Variants in FGFR2 observed in about 807,000 individuals in gnomAD.
The protein encoded by FGFR2 is BEK fibroblast growth factor receptor.
FGFR2 carries 19 observed loss-of-function variants against 95.9 expected under a neutral mutation model. The observed-to-expected ratio is 0.20, with a 90% CI of 0.14 to 0.29. The LOEUF (loss-of-function observed/expected upper bound fraction) is 0.29. FGFR2 is among the 10% of genes least tolerant of loss of function. The pLI is 1.00. For missense variants in FGFR2, 707 were observed against 1,056.9 expected, an observed-to-expected ratio of 0.67 and a Z score of 4.59; for synonymous variants, 392 against 393.3, an observed-to-expected ratio of 1.00 and a Z score of 0.04.
intron 17 of FGFR2, among the ~76,000 whole-genome samples, chr10:121,481,389 GACACACAC>G (rs71868012): frequency 0.03 from 4,464 of 149,978 alleles, 176 homozygotes; most frequent in African/African-American, 0.085. Flanking sequence ...CATTTTTAAA[GACACACAC>G]ACACACACAC....
intron 2 of FGFR2, among the ~76,000 whole-genome samples, chr10:121,572,929 G>T (rs1859061418): frequency 6.6e-6 from 1 of 152,242 alleles, no homozygotes; most frequent in Non-Finnish European, 1.5e-5. Context: ...ATAGCCCCAG[G>T]AGGGGGAAAT....
At chr10:121,481,865 C>A (rs1287200706) in intron 17 of FGFR2, 2 of 189,904 alleles carry the variant, frequency 1.1e-5, no homozygotes, top group Admixed American at 6.9e-5. Flanking sequence ...GAGACGGAGT[C>A]TCGCTCTGTC....
chr10:121,479,062 C>T lies in FGFR2; in HGVS notation c.*795G>A, dbSNP rs1007718519. 4.3e-6 allele frequency: 1 copy of T among 232,978 alleles called. No individual in the cohort carries two copies. The highest frequency in any genetic ancestry group is 8.5e-6 in the Non-Finnish European group (1 of 117,658). 14.4% of individuals were successfully genotyped at this position (232,978 alleles called of 1,614,324 possible). ...CAGCAGCATTTAAACACAAATAAAT[C>T]AAAACTTCATTTTCCCCAAATTAGT... On this transcript the variant is annotated 3_prime_UTR_variant, in exon 18 of 18. Transcript: ENST00000358487.
chr10:121,598,234 G>C lies in FGFR2; in HGVS notation c.-423C>G. 1 of 396,794 alleles carries C rather than the reference G, an allele frequency of 2.5e-6. No homozygotes were observed. The allele number at this position is 396,794 out of a possible 1,614,324, so 24.6% of individuals were successfully genotyped here. A position where few individuals can be genotyped will look rare whatever the true frequency, so the allele number is the denominator to read the frequency against. On this transcript the variant is annotated 5_prime_UTR_variant, in exon 1 of 18. Transcript: ENST00000358487. ...GTTGCCTCCACCAAACTTTGCTCGC[G>C]AGTTGCGAAGGCTCAGAGCGCGCAG...
At chr10:121,534,091 C>CTTTTTTTTTTT (rs1022674124) in intron 6 of FGFR2, among the ~76,000 whole-genome samples, 1 of 92,118 alleles carries the variant, frequency 1.1e-5, no homozygotes, top group African/African-American at 4.7e-5. Context: ...CCCAAAATGG[C>CTTTTTTTTTTT]TTTTTTTTTT....
At chr10:121,512,158 A>C (rs1002129359) in intron 9 of FGFR2, among the ~76,000 whole-genome samples, 1 of 152,148 alleles carries the variant, frequency 6.6e-6, no homozygotes, top group African/African-American at 2.4e-5. Flanking sequence ...CATCCTTGAC[A>C]CATCTGATTA....
intron 2 of FGFR2, among the ~76,000 whole-genome samples, chr10:121,566,324 T>A (rs146336527): frequency 1.3e-5 from 2 of 152,318 alleles, no homozygotes; most frequent in Non-Finnish European, 2.9e-5. Flanking sequence ...AGCTGAGACC[T>A]GCTGTTTTCC....
intron 8 of FGFR2, among the ~76,000 whole-genome samples, chr10:121,516,520 A>G (rs912566821): frequency 1.3e-5 from 2 of 152,226 alleles, no homozygotes; most frequent in African/African-American, 2.4e-5. Context: ...CAAGGAATTA[A>G]TAACTGGAGT....
chr10:121,556,396 ACTCTCTCTCTCT>A (rs35668561), intron 4 of FGFR2, among the ~76,000 whole-genome samples: 28 of 128,196 alleles, frequency 2.2e-4, no homozygotes, highest in East Asian at 1.6e-3. Context: ...TTTATAATCT[ACTCTCTCTCTCT>A]CTCTCTCTCT....
chr10:121,564,636 A>G (rs1857418365), intron 3 of FGFR2, 57 bp from the exon 4 acceptor site: 1 of 1,502,890 alleles, frequency 6.7e-7, no homozygotes, highest in Non-Finnish European at 9.2e-7. Context: ...AAAAGGTTGC[A>G]ATTATCTACA....
intron 13 of FGFR2, among the ~76,000 whole-genome samples, chr10:121,491,704 A>G (rs1846151903): frequency 6.6e-6 from 1 of 151,836 alleles, no homozygotes; most frequent in Non-Finnish European, 1.5e-5. Context: ...CCCCATCTCT[A>G]CTAAAAACAC....
At position 121,515,409 on chromosome 10, in the gene FGFR2, C is replaced by T. The variant is rs1849581207; in HGVS notation, c.1085-90G>A. ...CGCATCATAGCACAACCAAAGGAAC[C>T]AAAAGGCGACGACCATTCTCAAGGC... On this transcript the variant is annotated intron_variant, in intron 8 of 17. Coordinates refer to ENST00000358487, the MANE Select transcript of FGFR2 (RefSeq NM_000141.5). 7.6e-6 allele frequency: 10 copies of T among 1,311,664 alleles called. No individual in the cohort carries two copies. In the Middle Eastern group the frequency reaches 7.0e-4, roughly 92 times the overall value. The allele number at this position is 1,311,664 out of a possible 1,614,324, so 81.3% of individuals were successfully genotyped here. A position where few individuals can be genotyped will look rare whatever the true frequency, so the allele number is the denominator to read the frequency against.
In FGFR2 at chr10:121,485,366, G is replaced by A. The variant is rs1005985162; in HGVS notation, c.2195+29C>T. ...TTACTGGTGTGGCAAGTCCACTGGG[G>A]CACCGGCAGGAAAGACAACAGCCCT... is the stretch of plus-strand genomic sequence containing the variant. On this transcript the variant is annotated intron_variant, in intron 16 of 17. Coordinates refer to ENST00000358487, the MANE Select transcript of FGFR2 (RefSeq NM_000141.5). The surrounding 1 kb of genome is among the most constrained non-coding windows in gnomAD (Gnocchi z 4.2). The A allele has an allele frequency of 5.0e-6, 8 of 1,613,850 alleles. No homozygotes were observed. The African/African-American group carries it at 9.3e-5, about 19-fold the overall frequency.
intron 4 of FGFR2, among the ~76,000 whole-genome samples, chr10:121,560,947 G>C (rs925162886): frequency 6.6e-6 from 1 of 152,112 alleles, no homozygotes; most frequent in African/African-American, 2.4e-5. Flanking sequence ...TGATGCTGCT[G>C]GTCCAGGAAC....
intron 2 of FGFR2, among the ~76,000 whole-genome samples, chr10:121,568,690 G>A (rs986323141): frequency 3.9e-5 from 6 of 151,988 alleles, no homozygotes; most frequent in African/African-American, 7.2e-5. Flanking sequence ...TCTCTCTCCC[G>A]GCAAAGGAGG....
chr10:121,544,775 A>C (rs1854275013), intron 5 of FGFR2, among the ~76,000 whole-genome samples: 1 of 152,182 alleles, frequency 6.6e-6, no homozygotes, highest in Admixed American at 6.5e-5. Flanking sequence ...GAATGTAATT[A>C]ATGCCTACTA....
At chr10:121,575,514 T>C (rs751504299) in intron 2 of FGFR2, among the ~76,000 whole-genome samples, 1 of 152,180 alleles carries the variant, frequency 6.6e-6, no homozygotes, top group East Asian at 1.9e-4. Flanking sequence ...CAGTACTGTG[T>C]GCATAAACTC....
chr10:121,580,303 A>G (rs1459182547), intron 2 of FGFR2, among the ~76,000 whole-genome samples: 1 of 152,104 alleles, frequency 6.6e-6, no homozygotes, highest in African/African-American at 2.4e-5. Context: ...CTCGGTTCCA[A>G]CACTCCTTCA....
At chr10:121,498,165 G>A (rs1589759336) in intron 12 of FGFR2, among the ~76,000 whole-genome samples, 2 of 152,240 alleles carry the variant, frequency 1.3e-5, no homozygotes, top group Admixed American at 1.3e-4. Flanking sequence ...ATCTTATTCT[G>A]ACAAATCTCT....
Sources: gnomAD v4.1 joint callset for allele counts (sites outside exome capture counted in the v4.1 genomes callset) on GRCh38, gnomAD v4.1.1 for gene constraint, Gnocchi (gnomAD v3.1) non-coding constraint, MANE v1.5 for transcripts, NCBI Gene and HGNC (gene_info 2026-07-23, HGNC 2026-07-21) for gene names.